POU2F2: variants seen among roughly 807,000 people sequenced by gnomAD.
The protein encoded by POU2F2 is POU class 2 homeobox 2, also known as POU domain, class 2, transcription factor 2.
A neutral mutation model predicts 63.5 loss-of-function variants in POU2F2; 14 were observed. That is an observed-to-expected ratio of 0.22 (90% CI 0.15 to 0.34). The LOEUF (loss-of-function observed/expected upper bound fraction) is 0.34. POU2F2 is among the 10% of genes least tolerant of loss of function. POU2F2 has a pLI of 1.00. For missense variants in POU2F2, 607 were observed against 815.2 expected, an observed-to-expected ratio of 0.74 and a Z score of 3.11; for synonymous variants, 306 against 348.6, an observed-to-expected ratio of 0.88 and a Z score of 1.36.
intron 2 of POU2F2, among the ~76,000 whole-genome samples, chr19:42,154,196 A>T (rs1568416545): frequency 6.6e-6 from 1 of 151,722 alleles, no homozygotes; most frequent in African/African-American, 2.4e-5. Flanking sequence ...CAGGAAAAAA[A>T]GGGGGGGACA....
chr19:42,139,541 G>C (rs1351157277), intron 2 of POU2F2, among the ~76,000 whole-genome samples: 1 of 152,230 alleles, frequency 6.6e-6, no homozygotes, highest in East Asian at 1.9e-4. Flanking sequence ...CTGGGTTCAA[G>C]TGATTCTCTT....
At position 42,099,530 on chromosome 19, in the gene POU2F2, T is replaced by G. The variant is rs1224343466; in HGVS notation, c.564A>C (p.Thr188=). Residue 188 remains threonine (T), a synonymous_variant, in exon 7 of 15, where the codon ACA becomes ACC. Transcript: ENST00000692977. ...LTSQPRAGLP[T]QAVTRPTLPD... ...TGCACTCAATGGACAGTCTCACCTG[T>G]GTGGGAAGCCCGGCCCGGGGCTGGG... 5.6e-6 allele frequency: 9 copies of G among 1,608,744 alleles called. No individual in the cohort carries two copies. The highest frequency in any genetic ancestry group is 7.7e-6 in the Non-Finnish European group (9 of 1,175,282).
At chr19:42,130,260 C>T (rs2033592633) in intron 1 of POU2F2, among the ~76,000 whole-genome samples, 1 of 152,158 alleles carries the variant, frequency 6.6e-6, no homozygotes, top group African/African-American at 2.4e-5. Flanking sequence ...TCAGTCCAGC[C>T]AGAGATACAC....
Position 42,122,143 on chromosome 19 carries a change from T to C in POU2F2, c.169A>G (p.Thr57Ala), listed in dbSNP as rs373198280. ...NKTSPFSVSP[T>A]GPSTKVGILS... Reference sequence around the variant, plus strand: ...GTGCTTACCTTTGTACTGGGGCCAGTTGGGGACACGGAGAATGGGGAGGTC... The same window carrying C: ...GTGCTTACCTTTGTACTGGGGCCAGCTGGGGACACGGAGAATGGGGAGGTC... The change falls in exon 4 of 15, where the codon ACT becomes GCT. Residue 57 changes from threonine to alanine, a missense_variant. By Grantham distance (58) the Thr-to-Ala change is moderately conservative (BLOSUM62 0). Coordinates refer to ENST00000692977, the MANE Select transcript of POU2F2 (RefSeq NM_001394376.1). 83 of 1,613,392 alleles carry C rather than the reference T, an allele frequency of 5.1e-5. 1 individual carries two copies. In the East Asian group the frequency reaches 1.3e-3, roughly 26 times the overall value.
intron 5 of POU2F2, among the ~76,000 whole-genome samples, chr19:42,109,608 A>G (rs969947775): frequency 3.9e-5 from 6 of 152,214 alleles, no homozygotes; most frequent in African/African-American, 1.4e-4. Flanking sequence ...AATGTACTGC[A>G]TATTTCAAAA....
At chr19:42,120,859 A>G (rs147868455) in intron 4 of POU2F2, among the ~76,000 whole-genome samples, 2 of 152,334 alleles carry the variant, frequency 1.3e-5, no homozygotes, top group Non-Finnish European at 2.9e-5. Flanking sequence ...TGAGCCAATT[A>G]ACAAAATTAT....
chr19:42,110,876 A>G, intron 5 of POU2F2: 1 of 364,994 alleles, frequency 2.7e-6, no homozygotes, highest in Non-Finnish European at 5.6e-6. Flanking sequence ...CCAGGGCCTC[A>G]GTTTTCTTAT....
intron 1 of POU2F2, among the ~76,000 whole-genome samples, chr19:42,130,806 C>T (rs1325032647): frequency 6.6e-6 from 1 of 151,504 alleles, no homozygotes; most frequent in Non-Finnish European, 1.5e-5. Context: ...TGACACTCTA[C>T]CAACTAAATC....
chr19:42,190,233 G>T (rs1045099013), intron 1 of POU2F2, among the ~76,000 whole-genome samples: 1 of 151,526 alleles, frequency 6.6e-6, no homozygotes, highest in Non-Finnish European at 1.5e-5. Context: ...AATAAATATG[G>T]GTGTGGCTAC....
At chr19:42,195,314 TTCCC>T (rs2035129061) in intron 1 of POU2F2, among the ~76,000 whole-genome samples, 1 of 150,488 alleles carries the variant, frequency 6.6e-6, no homozygotes, top group Non-Finnish European at 1.5e-5. Context: ...CTTCCCTTCC[TTCCC>T]TCCCTCTTTT....
At chr19:42,196,888 C>T (rs533242678), upstream of POU2F2, among the ~76,000 whole-genome samples, 1 of 152,230 alleles carries the variant, frequency 6.6e-6, no homozygotes, top group Non-Finnish European at 1.5e-5. Flanking sequence ...GCCAGAGGCA[C>T]GTCTGGGGCT....
upstream of POU2F2, among the ~76,000 whole-genome samples, chr19:42,135,867 G>T (rs974490956): frequency 6.6e-6 from 1 of 151,858 alleles, no homozygotes; most frequent in Non-Finnish European, 1.5e-5. Context: ...CACACCACCA[G>T]GCCAGGCTAA....
chr19:42,136,787 A>T (rs2034022623), upstream of POU2F2: 1 of 152,346 alleles, frequency 6.6e-6, no homozygotes, highest in Non-Finnish European at 1.5e-5. Context: ...CAATGCTGGA[A>T]TACCTCTGCA....
At chr19:42,188,905 GAGGAAGGAAGGA>G (rs201081622) in intron 1 of POU2F2, among the ~76,000 whole-genome samples, 6,962 of 86,190 alleles carry the variant, frequency 0.081, 659 homozygotes, top group African/African-American at 0.24. Flanking sequence ...GAAGAGAAGA[GAGGAAGGAAGGA>G]AGGAAGGAAG....
In POU2F2 at chr19:42,099,528, T is replaced by C; in HGVS notation, c.566A>G (p.Gln189Arg). The part of the protein sequence containing the change: ...TSQPRAGLPT[Q>R]AVTRPTLPDP... ...GGTGCACTCAATGGACAGTCTCACC[T>C]GTGTGGGAAGCCCGGCCCGGGGCTG... is the stretch of plus-strand genomic sequence containing the variant. Residue 189 changes from glutamine to arginine, a missense_variant and splice_region_variant, in exon 7 of 15, where the codon CAG becomes CGG. Gln to Arg is a conservative substitution (Grantham distance 43). This residue lies in a region of POU2F2 where 224 missense variants were observed against 264.3 expected (regional missense o/e 0.85). Coordinates refer to ENST00000692977, the MANE Select transcript of POU2F2 (RefSeq NM_001394376.1). The C allele has an allele frequency of 6.2e-7, 1 of 1,609,192 alleles. No homozygotes were observed. The highest frequency in any genetic ancestry group is 8.5e-7 in the Non-Finnish European group (1 of 1,175,486).
At chr19:42,137,126 T>G (rs926216522), upstream of POU2F2, 2 of 152,228 alleles carry the variant, frequency 1.3e-5, no homozygotes, top group Admixed American at 6.5e-5. Flanking sequence ...GAGAATACAG[T>G]GGTTAAAAGC....
In POU2F2 at chr19:42,153,160, G is replaced by T. The variant is rs887970475; in HGVS notation, c.-9+7172C>A. Among the ~76,000 whole-genome samples the T allele has an allele frequency of 6.6e-6, 1 of 152,232 alleles. No homozygotes were observed. The highest frequency in any genetic ancestry group is 1.5e-5 in the Non-Finnish European group (1 of 68,038). On this transcript the variant is annotated intron_variant, in intron 2 of 6. Transcript: ENST00000524801. This position sits in a 1 kb window ranked among gnomAD's most constrained non-coding sequence, Gnocchi z 5.6. Reference sequence around the variant, plus strand: ...CTTCGGACAGGAGGTTCCAGCGAGAGGTCTGTGGTGTGCGAGCTGCCATGG... The same window carrying T: ...CTTCGGACAGGAGGTTCCAGCGAGATGTCTGTGGTGTGCGAGCTGCCATGG...
intron 1 of POU2F2, among the ~76,000 whole-genome samples, chr19:42,172,202 A>G (rs1297617428): frequency 6.6e-6 from 1 of 152,042 alleles, no homozygotes; most frequent in Non-Finnish European, 1.5e-5. Context: ...GTCTAAACCC[A>G]CACCATCTTC....
At chr19:42,154,110 C>T (rs1046686835) in intron 2 of POU2F2, among the ~76,000 whole-genome samples, 1 of 151,700 alleles carries the variant, frequency 6.6e-6, no homozygotes, top group African/African-American at 2.4e-5. Flanking sequence ...CCCCGCCCTC[C>T]CCCCACCACA....
Sources: allele counts gnomAD v4.1 joint callset (sites outside exome capture counted in the v4.1 genomes callset), GRCh38; gene constraint gnomAD v4.1.1; regional missense constraint gnomAD v4.1.1; non-coding constraint Gnocchi (gnomAD v3.1); transcripts MANE v1.5; gene names NCBI Gene and HGNC (gene_info 2026-07-23, HGNC 2026-07-21).